The following FAF1 variants were observed in gnomAD, a reference collection of about 807,000 sequenced individuals.
FAF1 encodes the protein FAS-associated factor 1.
A neutral mutation model predicts 92.5 loss-of-function variants in FAF1; 25 were observed. The observed-to-expected ratio is 0.27, with a 90% CI of 0.20 to 0.38. The LOEUF is 0.38. Ranked by LOEUF, FAF1 falls within the 10% of genes least tolerant of loss-of-function variation. The pLI is 1.00. For synonymous variants in FAF1, 234 were observed against 273.2 expected (o/e 0.86, Z 1.42); for missense variants, 636 against 793.3 (o/e 0.80, Z 2.38).
At chr1:50,846,726 G>A (rs1644304711) in intron 2 of FAF1, 1 of 648,596 alleles carries the variant, frequency 1.5e-6, no homozygotes, top group African/African-American at 1.8e-5. Context: ...AAACGTAGAT[G>A]TGATTAGACC....
chr1:50,795,234 AC>A (rs1467822559), intron 3 of FAF1, among the ~76,000 whole-genome samples: 1 of 152,206 alleles, frequency 6.6e-6, no homozygotes, highest in African/African-American at 2.4e-5. Context: ...TTTCCCAGGG[AC>A]CTGGTAATAA....
chr1:50,537,945 G>T (rs976133227), intron 14 of FAF1, among the ~76,000 whole-genome samples: 1 of 152,052 alleles, frequency 6.6e-6, no homozygotes, highest in African/African-American at 2.4e-5. Context: ...ATTTGAAACC[G>T]TATCAATGAA....
intron 8 of FAF1, among the ~76,000 whole-genome samples, chr1:50,654,771 C>A (rs1569688028): frequency 6.6e-6 from 1 of 152,082 alleles, no homozygotes; most frequent in African/African-American, 2.4e-5. Context: ...TTGAACATTT[C>A]ATTAGTAGTA....
intron 1 of FAF1, among the ~76,000 whole-genome samples, chr1:50,939,673 C>T (rs2124752368): frequency 1.3e-5 from 2 of 152,242 alleles, no homozygotes; most frequent in South Asian, 4.1e-4. Flanking sequence ...TCATAGATGG[C>T]TGTTATTACT....
At chr1:50,803,166 T>A (rs1045528021) in intron 2 of FAF1, among the ~76,000 whole-genome samples, 5 of 152,212 alleles carry the variant, frequency 3.3e-5, no homozygotes, top group African/African-American at 1.2e-4. Flanking sequence ...TTAACTATCC[T>A]CTTTTGGTCA....
chr1:50,457,136 T>C lies in FAF1; in HGVS notation c.1870-15613A>G, dbSNP rs192000874. Among the ~76,000 whole-genome samples the C allele has an allele frequency of 2.4e-3, 352 of 148,692 alleles. 1 individual carries two copies. The highest frequency in any genetic ancestry group is 3.1e-3 in the Non-Finnish European group (212 of 67,468). On this transcript the variant is annotated intron_variant, in intron 18 of 18. Coordinates refer to ENST00000396153, the MANE Select transcript of FAF1 (RefSeq NM_007051.3). ...ACACAAGGTCTCACATAAAGCCAAT[T>C]AGAGGAGGGAAAGTGAAAAAAAAAA...
chr1:50,903,491 G>T (rs564607345), intron 1 of FAF1, among the ~76,000 whole-genome samples: 2 of 152,064 alleles, frequency 1.3e-5, no homozygotes, highest in East Asian at 3.9e-4. Flanking sequence ...GTCTTTCAAA[G>T]GAATTAAATG....
At chr1:50,621,421 A>G (rs1349023509) in intron 8 of FAF1, among the ~76,000 whole-genome samples, 33 of 81,320 alleles carry the variant, frequency 4.1e-4, no homozygotes, top group African/African-American at 1.7e-3. Context: ...TTTTTTTGAG[A>G]TGGAGTCTCA....
intron 6 of FAF1, among the ~76,000 whole-genome samples, chr1:50,713,155 CAAAAAAAA>C (rs371395514): frequency 4.3e-5 from 2 of 46,532 alleles, no homozygotes; most frequent in African/African-American, 7.7e-5. Context: ...GCCAGACCCT[CAAAAAAAA>C]AAAAAAAAAA....
chr1:50,941,510 C>T (rs758621140), intron 1 of FAF1, among the ~76,000 whole-genome samples: 2 of 152,126 alleles, frequency 1.3e-5, no homozygotes, highest in Non-Finnish European at 2.9e-5. Context: ...AGCCACCGTG[C>T]CAGTCCTCAG....
At chr1:50,736,217 A>G (rs1016323291) in intron 6 of FAF1, among the ~76,000 whole-genome samples, 1 of 152,204 alleles carries the variant, frequency 6.6e-6, no homozygotes, top group Non-Finnish European at 1.5e-5. Context: ...GCCAATTCCC[A>G]AATATAACAC....
At chr1:50,550,958 T>C (rs1480446168) in intron 13 of FAF1, among the ~76,000 whole-genome samples, 1 of 152,204 alleles carries the variant, frequency 6.6e-6, no homozygotes, top group African/African-American at 2.4e-5. Context: ...AGAAATACAA[T>C]AGATACATAT....
intron 6 of FAF1, among the ~76,000 whole-genome samples, chr1:50,727,516 T>G (rs942459583): frequency 6.6e-6 from 1 of 152,188 alleles, no homozygotes. Flanking sequence ...CTTTTTTAGG[T>G]GGTAGGGATA....
intron 7 of FAF1, among the ~76,000 whole-genome samples, chr1:50,704,276 G>A (rs1217787301): frequency 6.6e-6 from 1 of 152,068 alleles, no homozygotes; most frequent in African/African-American, 2.4e-5. Context: ...CAGAAACTAG[G>A]GGTGGGGGTT....
At chr1:50,914,114 CT>C (rs1644904922) in intron 1 of FAF1, among the ~76,000 whole-genome samples, 1 of 152,182 alleles carries the variant, frequency 6.6e-6, no homozygotes, top group South Asian at 2.1e-4. Context: ...ATATTTAAGT[CT>C]GCAAAGCAAA....
chr1:50,770,880 CCATAACA>C (rs1660752399), intron 4 of FAF1, among the ~76,000 whole-genome samples: 1 of 152,184 alleles, frequency 6.6e-6, no homozygotes, highest in African/African-American at 2.4e-5. Context: ...GCTGCAGTAA[CCATAACA>C]GCACGTTACT....
At chr1:50,655,001 G>A (rs1410403733) in intron 8 of FAF1, among the ~76,000 whole-genome samples, 1 of 136,332 alleles carries the variant, frequency 7.3e-6, no homozygotes, top group Non-Finnish European at 1.6e-5. Flanking sequence ...ATGGAGTTTC[G>A]CTTTTGTCGC....
At chr1:50,465,881 G>C (rs1252760282) in intron 18 of FAF1, among the ~76,000 whole-genome samples, 1 of 152,158 alleles carries the variant, frequency 6.6e-6, no homozygotes, top group African/African-American at 2.4e-5. Flanking sequence ...ATGTTTCATG[G>C]TGTTGTACAA....
chr1:50,617,604 T>A (rs1463343175), intron 8 of FAF1, among the ~76,000 whole-genome samples: 1 of 152,078 alleles, frequency 6.6e-6, no homozygotes, highest in South Asian at 2.1e-4. Context: ...TTGGCCTTAC[T>A]TCTCTTTCTT....
Sources: allele counts gnomAD v4.1 joint callset (sites outside exome capture counted in the v4.1 genomes callset), GRCh38; gene constraint gnomAD v4.1.1; transcripts MANE v1.5; gene names NCBI Gene and HGNC (gene_info 2026-07-23, HGNC 2026-07-21).